Variants in ULK4 observed in about 807,000 individuals in gnomAD.
ULK4 encodes the protein inactive serine/threonine-protein kinase ULK4.
In ULK4, 133 loss-of-function variants were observed where a neutral mutation model predicts 160.6. The ratio of observed to expected loss-of-function variants is 0.83; its 90% CI spans 0.72 to 0.96. ULK4 has a LOEUF of 0.96. Among genes scored for constraint, ULK4 ranks in the 40% least tolerant of loss-of-function variants. The pLI is 0.00. For missense variants in ULK4, 1,580 were observed against 1,499.5 expected (o/e 1.05, Z -0.89); for synonymous variants, 534 against 539.8 (o/e 0.99, Z 0.15).
chr3:41,844,119 C>A (rs2042005664), intron 17 of ULK4, among the ~76,000 whole-genome samples: 1 of 152,230 alleles, frequency 6.6e-6, no homozygotes, highest in Non-Finnish European at 1.5e-5. Context: ...AGTGGATCCC[C>A]CACCGGGGCC....
chr3:41,516,249 TTGTG>T (rs2085744209), intron 32 of ULK4, among the ~76,000 whole-genome samples: 1 of 152,126 alleles, frequency 6.6e-6, no homozygotes, highest in Non-Finnish European at 1.5e-5. Flanking sequence ...TTTAAACTCT[TTGTG>T]TAACTGGTGT....
chr3:41,757,944 C>T (rs934807014), intron 21 of ULK4, among the ~76,000 whole-genome samples: 2 of 152,106 alleles, frequency 1.3e-5, no homozygotes, highest in Admixed American at 1.3e-4. Flanking sequence ...TCTGATTTTA[C>T]CTGCTATGGG....
intron 18 of ULK4, among the ~76,000 whole-genome samples, chr3:41,822,062 T>C (rs1372838227): frequency 6.6e-6 from 1 of 152,192 alleles, no homozygotes; most frequent in East Asian, 1.9e-4. Flanking sequence ...ACTCTCCACA[T>C]TTAAACCAGA....
chr3:41,497,484 T>C lies in ULK4; in HGVS notation c.3227-34231A>G, dbSNP rs115978611. 5.4e-3 allele frequency among the ~76,000 whole-genome samples: 825 copies of C among 152,156 alleles called. 9 individuals are homozygous for C. Among genetic ancestry groups the C allele is most frequent in the African/African-American group, 0.019 (794 of 41,538 alleles). On this transcript the variant is annotated intron_variant, in intron 32 of 36. Transcript: ENST00000301831. The stretch of plus-strand genomic sequence containing the variant: ...TGGAAGAAAAAATATTTTTAAGAAA[T>C]AATAGCTCATAGTTTGCCAAATTTG...
intron 34 of ULK4, among the ~76,000 whole-genome samples, chr3:41,419,303 C>T (rs1343597261): frequency 1.3e-5 from 2 of 151,956 alleles, no homozygotes; most frequent in Admixed American, 1.3e-4. Context: ...CAAGGAGAGG[C>T]TAGAAAACGA....
chr3:41,354,978 G>A (rs929049509), intron 35 of ULK4, among the ~76,000 whole-genome samples: 3 of 152,144 alleles, frequency 2.0e-5, no homozygotes, highest in Non-Finnish European at 2.9e-5. Flanking sequence ...AAAGCGCTGC[G>A]AGGTTCCTGT....
At chr3:41,311,822 C>T (rs1330124672) in intron 35 of ULK4, among the ~76,000 whole-genome samples, 2 of 151,614 alleles carry the variant, frequency 1.3e-5, no homozygotes, top group South Asian at 2.1e-4. Flanking sequence ...CCACCTCAGC[C>T]TCCCAAAGTT....
At chr3:41,505,440 C>A (rs1414410081) in intron 32 of ULK4, among the ~76,000 whole-genome samples, 4 of 152,134 alleles carry the variant, frequency 2.6e-5, no homozygotes, top group African/African-American at 7.2e-5. Flanking sequence ...AAATACTGTT[C>A]TATGAACATC....
At chr3:41,568,225 A>T (rs1019122079) in intron 31 of ULK4, among the ~76,000 whole-genome samples, 6 of 152,184 alleles carry the variant, frequency 3.9e-5, no homozygotes, top group African/African-American at 1.4e-4. Context: ...TAATTATAAG[A>T]CATGTTAGAA....
intron 32 of ULK4, among the ~76,000 whole-genome samples, chr3:41,547,475 A>T (rs1465334982): frequency 6.6e-6 from 1 of 152,106 alleles, no homozygotes; most frequent in Non-Finnish European, 1.5e-5. Context: ...AAAGGATAAG[A>T]GATCCCAGTG....
chr3:41,732,643 A>G (rs546970972), intron 22 of ULK4, among the ~76,000 whole-genome samples: 15 of 152,268 alleles, frequency 9.9e-5, no homozygotes, highest in African/African-American at 3.4e-4. Flanking sequence ...AAATAATTCA[A>G]TATATCAAAG....
At chr3:41,450,716 C>G (rs1463305809) in intron 34 of ULK4, among the ~76,000 whole-genome samples, 1 of 152,176 alleles carries the variant, frequency 6.6e-6, no homozygotes, top group Non-Finnish European at 1.5e-5. Context: ...TAAAATTTAT[C>G]TTTGGTCTGT....
At chr3:41,742,632 ATAC>A (rs1697811980) in intron 22 of ULK4, among the ~76,000 whole-genome samples, 1 of 151,992 alleles carries the variant, frequency 6.6e-6, no homozygotes, top group African/African-American at 2.4e-5. Context: ...CCATCAACAC[ATAC>A]TACACTAGTA....
intron 35 of ULK4, among the ~76,000 whole-genome samples, chr3:41,288,752 A>G (rs2079507834): frequency 1.3e-5 from 2 of 152,046 alleles, no homozygotes; most frequent in South Asian, 4.1e-4. Flanking sequence ...GGGACCTTAT[A>G]CCCCCAGTGT....
intron 32 of ULK4, among the ~76,000 whole-genome samples, chr3:41,555,872 C>CA (rs2087275316): frequency 6.6e-6 from 1 of 152,092 alleles, no homozygotes; most frequent in Non-Finnish European, 1.5e-5. Flanking sequence ...ATTTCCTTTG[C>CA]AGGGGGACAT....
intron 21 of ULK4, among the ~76,000 whole-genome samples, chr3:41,756,222 A>T (rs2038799168): frequency 6.6e-6 from 1 of 152,082 alleles, no homozygotes; most frequent in African/African-American, 2.4e-5. Flanking sequence ...TGTGAAAATG[A>T]CACCCCCACT....
At chr3:41,264,601 C>G (rs2078998684) in intron 35 of ULK4, among the ~76,000 whole-genome samples, 1 of 152,108 alleles carries the variant, frequency 6.6e-6, no homozygotes, top group South Asian at 2.1e-4. Flanking sequence ...CTGTGAGATT[C>G]CTATCAGAAA....
intron 35 of ULK4, among the ~76,000 whole-genome samples, chr3:41,365,314 G>T (rs1449957860): frequency 1.3e-5 from 2 of 152,174 alleles, no homozygotes; most frequent in Non-Finnish European, 2.9e-5. Context: ...TCACAATCTT[G>T]AAGTTTGATG....
At chr3:41,288,240 C>G (rs965221579) in intron 35 of ULK4, among the ~76,000 whole-genome samples, 5 of 152,144 alleles carry the variant, frequency 3.3e-5, no homozygotes, top group African/African-American at 1.2e-4. Flanking sequence ...CCCCACTTCC[C>G]CTTCCTCACA....
Sources: allele counts gnomAD v4.1 joint callset (sites outside exome capture counted in the v4.1 genomes callset), GRCh38; gene constraint gnomAD v4.1.1; transcripts MANE v1.5; gene names NCBI Gene and HGNC (gene_info 2026-07-23, HGNC 2026-07-21).